NEK1: variants seen among roughly 807,000 people sequenced by gnomAD.
NEK1 encodes the protein NIMA related kinase 1, also known as serine/threonine-protein kinase Nek1.
Under a neutral mutation model 182.1 loss-of-function variants are expected in NEK1, and 137 were observed. The observed-to-expected ratio is 0.75, with a 90% confidence interval of 0.65 to 0.87. The LOEUF (loss-of-function observed/expected upper bound fraction) is 0.87, where lower values mean the gene tolerates loss of function less well. Among genes scored for constraint, NEK1 ranks in the 40% least tolerant of loss-of-function variants. NEK1 has a pLI of 0.00. For missense variants in NEK1, 1,391 were observed against 1,494.4 expected (o/e 0.93, Z 1.14); for synonymous variants, 513 against 492.2 (o/e 1.04, Z -0.56).
At chr4:169,507,444 C>A (rs960692330) in intron 22 of NEK1, among the ~76,000 whole-genome samples, 2 of 151,372 alleles carry the variant, frequency 1.3e-5, no homozygotes, top group Non-Finnish European at 2.9e-5. Context: ...GATGTATATT[C>A]GTATATTTTT....
intron 27 of NEK1, among the ~76,000 whole-genome samples, chr4:169,457,922 TA>T (rs1046074316): frequency 1.3e-5 from 2 of 151,800 alleles, no homozygotes; most frequent in Non-Finnish European, 2.9e-5. Flanking sequence ...TAAAGAACAA[TA>T]AAGAGATATC....
chr4:169,607,755 G>A (rs954432184), intron 2 of NEK1, among the ~76,000 whole-genome samples: 6 of 152,154 alleles, frequency 3.9e-5, no homozygotes, highest in South Asian at 2.1e-4. Flanking sequence ...GAGCCACCGC[G>A]CCTGGCCTCA....
intron 29 of NEK1, among the ~76,000 whole-genome samples, chr4:169,430,177 T>A (rs934129824): frequency 6.6e-6 from 1 of 152,088 alleles, no homozygotes; most frequent in Non-Finnish European, 1.5e-5. Context: ...AGGAGCTTTT[T>A]TTGTTTTTGT....
intron 19 of NEK1, among the ~76,000 whole-genome samples, chr4:169,531,854 A>G: frequency 6.6e-6 from 1 of 152,220 alleles, no homozygotes. Context: ...AAATCCGATG[A>G]GCTTTAAAAG....
intron 27 of NEK1, 59 bp from the exon 28 acceptor site, chr4:169,438,318 AAT>A (rs1738807341): frequency 7.4e-7 from 1 of 1,353,412 alleles, no homozygotes; most frequent in African/African-American, 1.5e-5. Context: ...TTTTATCTGT[AAT>A]GGCATTGGGG....
At chr4:169,507,525 T>C (rs1753508358) in intron 22 of NEK1, among the ~76,000 whole-genome samples, 190 bp downstream of exon 22, 1 of 152,188 alleles carries the variant, frequency 6.6e-6, no homozygotes, top group African/African-American at 2.4e-5. Flanking sequence ...CATGGTTTTA[T>C]CTATTTTCAT....
chr4:169,458,895 G>A lies in NEK1; in HGVS notation c.2587+4348C>T, dbSNP rs528128072. ...AAGCCACAGACTAGGAGAAAATACA[G>A]GTTGACTATCTCTAATCCAAAATGC... is the stretch of plus-strand genomic sequence containing the variant. On this transcript the variant is annotated intron_variant, in intron 27 of 35. Coordinates refer to ENST00000507142, the MANE Select transcript of NEK1 (RefSeq NM_001199397.3). 2.7e-5 allele frequency among the ~76,000 whole-genome samples: 4 copies of A among 150,736 alleles called. No homozygotes were observed. The South Asian group carries it at 8.4e-4, about 32-fold the overall frequency.
chr4:169,407,422 A>T (rs1732842562), intron 31 of NEK1, among the ~76,000 whole-genome samples: 1 of 152,180 alleles, frequency 6.6e-6, no homozygotes, highest in African/African-American at 2.4e-5. Context: ...TGACCATGGG[A>T]CTGTGAGTGG....
At chr4:169,500,034 G>T (rs1326278050) in intron 23 of NEK1, among the ~76,000 whole-genome samples, 5 of 152,244 alleles carry the variant, frequency 3.3e-5, no homozygotes, top group Non-Finnish European at 5.9e-5. Flanking sequence ...TCCATGAGCT[G>T]CGGTGGGCTC....
intron 19 of NEK1, among the ~76,000 whole-genome samples, chr4:169,515,518 A>C (rs1236675625): frequency 1.4e-5 from 2 of 141,376 alleles, no homozygotes; most frequent in African/African-American, 5.3e-5. Flanking sequence ...TTTTTTTATT[A>C]TACTCTAAGT....
At chr4:169,599,936 T>C (rs76886059) in intron 4 of NEK1, among the ~76,000 whole-genome samples, 2 of 152,072 alleles carry the variant, frequency 1.3e-5, no homozygotes, top group Non-Finnish European at 2.9e-5. Context: ...ATTTTGCTCA[T>C]GCTGACCTTG....
intron 33 of NEK1, 124 bp downstream of exon 33, chr4:169,401,528 C>G: frequency 1.5e-6 from 1 of 651,326 alleles, no homozygotes; most frequent in Non-Finnish European, 2.5e-6. Flanking sequence ...GGGGAGAGAC[C>G]CAGAGGCATG....
chr4:169,588,650 T>C lies in NEK1; in HGVS notation c.550A>G (p.Ser184Gly). The C allele has an allele frequency of 6.5e-7, 1 of 1,527,338 alleles. No homozygotes were observed. The highest frequency in any genetic ancestry group is 1.2e-5 in the South Asian group (1 of 82,580). The allele number at this position is 1,527,338 out of a possible 1,614,324, so 94.6% of individuals were successfully genotyped here. ...CATAATGAATATCATTTTAAATACC[T>C]TTTATTATTGTAAGGTTTGTTTTCA... ...ICENKPYNNK[S>G]DIWALGCVLY... The change falls in exon 8 of 36, where the codon AGT (serine) becomes GGT (glycine). Residue 184 changes from serine to glycine, a missense_variant and splice_region_variant. Transcript: ENST00000507142.
At chr4:169,457,845 A>G (rs1436287877) in intron 27 of NEK1, among the ~76,000 whole-genome samples, 1 of 152,012 alleles carries the variant, frequency 6.6e-6, no homozygotes, top group Non-Finnish European at 1.5e-5. Flanking sequence ...GACAGGGGAA[A>G]AAAAGACCGG....
chr4:169,611,867 T>C (rs1288415453), intron 2 of NEK1, among the ~76,000 whole-genome samples, 153 bp downstream of exon 2: 4 of 152,262 alleles, frequency 2.6e-5, no homozygotes, highest in Non-Finnish European at 5.9e-5. Context: ...CAGAGTGTCT[T>C]AGAGAATTAA....
At chr4:169,556,261 A>G (rs1025068127) in intron 16 of NEK1, among the ~76,000 whole-genome samples, 166 bp from the exon 17 acceptor site, 1 of 152,208 alleles carries the variant, frequency 6.6e-6, no homozygotes, top group Admixed American at 6.5e-5. Flanking sequence ...TTTTCCTATT[A>G]TAACTATTAA....
chr4:169,611,070 A>C (rs1236594866), intron 2 of NEK1, among the ~76,000 whole-genome samples: 2 of 152,260 alleles, frequency 1.3e-5, no homozygotes, highest in East Asian at 1.9e-4. Context: ...TTTGTAGTAG[A>C]AACTACCAAC....
chr4:169,396,709 G>T (rs1730788567), intron 35 of NEK1, among the ~76,000 whole-genome samples: 1 of 152,170 alleles, frequency 6.6e-6, no homozygotes, highest in African/African-American at 2.4e-5. Flanking sequence ...ATAATTTCCA[G>T]TGAAATAAAA....
At chr4:169,586,866 A>C (rs1767624283) in intron 9 of NEK1, among the ~76,000 whole-genome samples, 5 of 151,982 alleles carry the variant, frequency 3.3e-5, no homozygotes. Context: ...GAAGAAAAAA[A>C]AATTTCATTT....
Sources: gnomAD v4.1 joint callset for allele counts (sites outside exome capture counted in the v4.1 genomes callset) on GRCh38, gnomAD v4.1.1 for gene constraint, MANE v1.5 for transcripts, NCBI Gene and HGNC (gene_info 2026-07-23, HGNC 2026-07-21) for gene names.